The following CAMTA1 variants were observed in gnomAD, a reference collection of about 807,000 sequenced individuals.
The protein encoded by CAMTA1 is calmodulin-binding transcription activator 1.
Under a neutral mutation model 170.9 loss-of-function variants are expected in CAMTA1, and 27 were observed. The observed-to-expected ratio is 0.16, with a 90% CI of 0.12 to 0.22. The LOEUF (loss-of-function observed/expected upper bound fraction) is 0.22. Ranked by LOEUF, CAMTA1 falls within the 10% of genes least tolerant of loss-of-function variation. The pLI, the probability that CAMTA1 is intolerant of heterozygous loss-of-function variation, is 1.00. For missense variants in CAMTA1, 1,619 were observed against 2,217.2 expected (o/e 0.73, Z 5.42); for synonymous variants, 833 against 891.5 (o/e 0.93, Z 1.17).
chr1:7,594,354 C>A (rs938880089), intron 6 of CAMTA1, among the ~76,000 whole-genome samples: 3 of 152,094 alleles, frequency 2.0e-5, no homozygotes, highest in Non-Finnish European at 4.4e-5. Context: ...GGGGTAAAGG[C>A]ACCAAGGCTG....
chr1:7,110,742 G>A (rs6657346), intron 4 of CAMTA1, among the ~76,000 whole-genome samples: 28 of 152,314 alleles, frequency 1.8e-4, no homozygotes, highest in African/African-American at 5.3e-4. Context: ...GGGTTCACCC[G>A]TGATCCCTTT....
chr1:7,303,361 CAG>C (rs1343307021), intron 5 of CAMTA1, among the ~76,000 whole-genome samples: 1 of 152,092 alleles, frequency 6.6e-6, no homozygotes, highest in East Asian at 1.9e-4. Context: ...AAAATGCAAA[CAG>C]TATAAAACTG....
chr1:7,530,635 T>A (rs1300464954), intron 6 of CAMTA1, among the ~76,000 whole-genome samples: 1 of 152,144 alleles, frequency 6.6e-6, no homozygotes, highest in Non-Finnish European at 1.5e-5. Context: ...CTTGGATCTA[T>A]CTGAGTCAAG....
chr1:6,850,714 C>G (rs1381415875), intron 3 of CAMTA1, among the ~76,000 whole-genome samples: 1 of 152,188 alleles, frequency 6.6e-6, no homozygotes, highest in Non-Finnish European at 1.5e-5. Context: ...TCATTTCTTT[C>G]CCAGAGGAAT....
chr1:7,102,023 AACACACACACAC>A (rs57209159), intron 4 of CAMTA1, among the ~76,000 whole-genome samples: 4,565 of 148,762 alleles, frequency 0.031, 236 homozygotes, highest in African/African-American at 0.1. Flanking sequence ...ATAAATACAC[AACACACACACAC>A]ACACACACAC....
chr1:7,073,692 G>T (rs181332824), intron 3 of CAMTA1, among the ~76,000 whole-genome samples: 1 of 152,186 alleles, frequency 6.6e-6, no homozygotes, highest in Admixed American at 6.5e-5. Context: ...TTAAGAATTT[G>T]CCATGGGCTT....
intron 1 of CAMTA1, among the ~76,000 whole-genome samples, chr1:6,788,121 C>T (rs911875969): frequency 3.9e-5 from 6 of 152,172 alleles, no homozygotes; most frequent in Admixed American, 3.9e-4. Flanking sequence ...ATGATTTGAG[C>T]CCTGTCGGCT....
chr1:7,345,799 T>C (rs1014759398), intron 5 of CAMTA1, among the ~76,000 whole-genome samples: 1 of 152,214 alleles, frequency 6.6e-6, no homozygotes, highest in Non-Finnish European at 1.5e-5. Context: ...CATAGTCACT[T>C]GGGCTAAGCT....
intron 3 of CAMTA1, among the ~76,000 whole-genome samples, chr1:6,883,252 G>A (rs1474202496): frequency 6.6e-6 from 1 of 152,190 alleles, no homozygotes; most frequent in Non-Finnish European, 1.5e-5. Context: ...TAAAGCTGGA[G>A]CAAGAAACAG....
At chr1:7,683,241 C>T (rs2096228476) in intron 11 of CAMTA1, among the ~76,000 whole-genome samples, 1 of 151,432 alleles carries the variant, frequency 6.6e-6, no homozygotes, top group African/African-American at 2.4e-5. Context: ...AAAGGCATCA[C>T]TTGTCCCAGA....
chr1:7,566,982 T>C (rs938436005), intron 6 of CAMTA1, among the ~76,000 whole-genome samples: 5 of 152,120 alleles, frequency 3.3e-5, no homozygotes, highest in African/African-American at 1.2e-4. Context: ...TCCATGAAAA[T>C]GGGGACTTTT....
rs538200346 is a variant in CAMTA1, at chr1:7,537,034, C to A, written c.510+69133C>A. 8.3e-4 allele frequency among the ~76,000 whole-genome samples: 127 copies of A among 152,322 alleles called. 2 individuals are homozygous for A. The highest frequency in any genetic ancestry group is 3.4e-3 in the Middle Eastern group (1 of 294). On this transcript the variant is annotated intron_variant, in intron 6 of 22. Transcript: ENST00000303635. Reference sequence around the variant, plus strand: ...AGGAAGCCCTCGGCTTAGGCAGGGGCTCCCTGTCCAGTCAGGTAGCAGCCT... The same window carrying A: ...AGGAAGCCCTCGGCTTAGGCAGGGGATCCCTGTCCAGTCAGGTAGCAGCCT...
chr1:7,438,197 C>G (rs1376439341), intron 5 of CAMTA1, among the ~76,000 whole-genome samples: 2 of 152,120 alleles, frequency 1.3e-5, no homozygotes, highest in Non-Finnish European at 2.9e-5. Flanking sequence ...GCTGCCACCT[C>G]CAGGCAGCTG....
chr1:7,462,410 T>C (rs1290417844), intron 5 of CAMTA1, among the ~76,000 whole-genome samples: 3 of 152,134 alleles, frequency 2.0e-5, no homozygotes, highest in East Asian at 3.9e-4. Context: ...AGACTACAGG[T>C]GCATGCCATC....
chr1:6,909,221 T>C (rs1457866018), intron 3 of CAMTA1, among the ~76,000 whole-genome samples: 3 of 152,216 alleles, frequency 2.0e-5, no homozygotes, highest in East Asian at 1.9e-4. Context: ...CTTGGGACTT[T>C]TAATAATTTA....
intron 6 of CAMTA1, among the ~76,000 whole-genome samples, chr1:7,533,945 C>T (rs946159908): frequency 6.6e-6 from 1 of 152,052 alleles, no homozygotes; most frequent in African/African-American, 2.4e-5. Flanking sequence ...AAAAAGAAAA[C>T]GTCCAGGCTT....
intron 3 of CAMTA1, among the ~76,000 whole-genome samples, chr1:6,932,332 C>T (rs1196611722): frequency 6.6e-6 from 1 of 152,166 alleles, no homozygotes; most frequent in Non-Finnish European, 1.5e-5. Flanking sequence ...TGAGATTCAT[C>T]CATGTTGTGT....
Position 6,884,357 on chromosome 1 carries a change from A to G in CAMTA1, c.234+59147A>G, listed in dbSNP as rs952675014. ...ACACAATTTTGTTTGGCTTTGATCC[A>G]CACAATGTGTTTTTAAAGATGAATA... On this transcript the variant is annotated intron_variant, in intron 3 of 22. Transcript: ENST00000303635. 3.3e-5 allele frequency among the ~76,000 whole-genome samples: 5 copies of G among 150,666 alleles called. No individual in the cohort carries two copies. The East Asian group carries it at 5.8e-4, about 18-fold the overall frequency.
At chr1:7,575,605 G>C (rs2095181130) in intron 6 of CAMTA1, among the ~76,000 whole-genome samples, 1 of 152,226 alleles carries the variant, frequency 6.6e-6, no homozygotes, top group Non-Finnish European at 1.5e-5. Context: ...CTCAGTTTCT[G>C]CCCCAGCAAA....
Sources: allele counts gnomAD v4.1 joint callset (sites outside exome capture counted in the v4.1 genomes callset), GRCh38; gene constraint gnomAD v4.1.1; transcripts MANE v1.5; gene names NCBI Gene and HGNC (gene_info 2026-07-23, HGNC 2026-07-21).